Variants in ANO4 observed in about 807,000 individuals in gnomAD.
ANO4 encodes anoctamin 4.
Under a neutral mutation model 141.9 loss-of-function variants are expected in ANO4, and 69 were observed. That is an observed-to-expected ratio of 0.49 (90% CI 0.40 to 0.59). ANO4 has a LOEUF of 0.59. Among genes scored for constraint, ANO4 ranks in the 20% least tolerant of loss-of-function variants. ANO4 has a pLI of 0.00. For synonymous variants in ANO4, 350 were observed against 394.3 expected (o/e 0.89, Z 1.33); for missense variants, 894 against 1,162.2 (o/e 0.77, Z 3.36).
rs1196752418 is a variant in ANO4 at position 101,120,561 on chromosome 12, A to G, written c.2612A>G (p.Tyr871Cys). 1.2e-6 allele frequency: 2 copies of G among 1,613,966 alleles called. No individual in the cohort carries two copies. Among genetic ancestry groups the G allele is most frequent in the African/African-American group, 1.3e-5 (1 of 74,908 alleles). The change falls in exon 26 of 28, where the codon TAT becomes TGT. Residue 871 changes from tyrosine to cysteine, a missense_variant. By Grantham distance (194) the Tyr-to-Cys change is radical. Around this residue, in one of 2 missense-constraint regions of ANO4, gnomAD observed 637 missense variants for 909.2 expected, o/e 0.70. Transcript: ENST00000392977. Reference sequence around the variant, plus strand: ...GACCCGCCTCATTCACTGGTGCCCTATGGCTACACACTGCAGTTTTGGCAT... The same window carrying G: ...GACCCGCCTCATTCACTGGTGCCCTGTGGCTACACACTGCAGTTTTGGCAT... Reference protein sequence around the residue: ...YRDPPHSLVPYGYTLQFWHVL... With the variant: ...YRDPPHSLVPCGYTLQFWHVL...
chr12:101,095,302 T>C (rs1370357441), intron 18 of ANO4, among the ~76,000 whole-genome samples: 1 of 152,176 alleles, frequency 6.6e-6, no homozygotes, highest in Non-Finnish European at 1.5e-5. Flanking sequence ...TAGAAGAGGT[T>C]TATGTCCATG....
chr12:100,973,061 G>A (rs1386251637), intron 6 of ANO4, among the ~76,000 whole-genome samples: 1 of 152,198 alleles, frequency 6.6e-6, no homozygotes, highest in Non-Finnish European at 1.5e-5. Context: ...AAATGAACAT[G>A]AACAATTATC....
chr12:100,930,945 G>A (rs1480513169), intron 3 of ANO4, among the ~76,000 whole-genome samples: 1 of 152,294 alleles, frequency 6.6e-6, no homozygotes, highest in East Asian at 1.9e-4. Flanking sequence ...CAAAAGGGCT[G>A]TAGGGTTCCA....
At chr12:100,732,434 GTTGTT>G (rs916226168) in intron 1 of ANO4, among the ~76,000 whole-genome samples, 48 of 151,904 alleles carry the variant, frequency 3.2e-4, no homozygotes, top group African/African-American at 1.1e-3. Context: ...TTTTCTTATT[GTTGTT>G]TTAAGAGTTC....
At chr12:101,116,040 G>A (rs941294304) in intron 24 of ANO4, among the ~76,000 whole-genome samples, 3 of 152,222 alleles carry the variant, frequency 2.0e-5, no homozygotes, top group Non-Finnish European at 4.4e-5. Context: ...GCACTACAGA[G>A]AGAGGGAAAG....
chr12:100,942,588 A>G, intron 5 of ANO4, 53 bp downstream of exon 5: 4 of 1,542,922 alleles, frequency 2.6e-6, no homozygotes, highest in Middle Eastern at 1.8e-4. Context: ...ATTCATATGA[A>G]GAGGCAATAA....
intron 11 of ANO4, among the ~76,000 whole-genome samples, chr12:101,042,021 A>G (rs1284376039): frequency 6.6e-6 from 1 of 152,084 alleles, no homozygotes; most frequent in Non-Finnish European, 1.5e-5. Flanking sequence ...TACCTGGACT[A>G]TGACAGCTGT....
intron 9 of ANO4, among the ~76,000 whole-genome samples, chr12:101,031,387 C>A (rs2046967975): frequency 6.6e-6 from 1 of 152,108 alleles, no homozygotes; most frequent in Non-Finnish European, 1.5e-5. Context: ...ATTCAACAGC[C>A]CTTCATGCTA....
At chr12:100,867,902 A>G (rs1251607564) in intron 1 of ANO4, among the ~76,000 whole-genome samples, 1 of 152,180 alleles carries the variant, frequency 6.6e-6, no homozygotes, top group Non-Finnish European at 1.5e-5. Flanking sequence ...GCAATGAATC[A>G]GTAAACCAAT....
At chr12:101,103,227 A>ATATATATATATATATC (rs2050279242) in intron 22 of ANO4, among the ~76,000 whole-genome samples, 1 of 108,850 alleles carries the variant, frequency 9.2e-6, no homozygotes, top group African/African-American at 4.1e-5. Flanking sequence ...ATATATATAT[A>ATATATATATATATATC]TATCTTTTTG....
intron 5 of ANO4, among the ~76,000 whole-genome samples, chr12:100,952,409 C>T (rs887241533): frequency 1.3e-5 from 2 of 152,150 alleles, no homozygotes; most frequent in Non-Finnish European, 2.9e-5. Flanking sequence ...ATATTGACAG[C>T]TTTAACGCAT....
chr12:100,830,972 C>A (rs530905535), intron 1 of ANO4, among the ~76,000 whole-genome samples: 1 of 152,008 alleles, frequency 6.6e-6, no homozygotes, highest in Non-Finnish European at 1.5e-5. Context: ...AAGCTAGACC[C>A]ATTCCTCAGT....
chr12:100,803,201 G>A (rs1453637309), intron 1 of ANO4, among the ~76,000 whole-genome samples: 1 of 152,142 alleles, frequency 6.6e-6, no homozygotes, highest in African/African-American at 2.4e-5. Context: ...ATGGGAGCTT[G>A]GAGTATAGGG....
At chr12:100,833,851 G>A (rs1013235067) in intron 1 of ANO4, among the ~76,000 whole-genome samples, 10 of 152,090 alleles carry the variant, frequency 6.6e-5, no homozygotes, top group African/African-American at 2.2e-4. Flanking sequence ...GACCCCATGG[G>A]ACTTGCATTC....
intron 14 of ANO4, among the ~76,000 whole-genome samples, chr12:101,072,508 A>G (rs1396199957): frequency 1.3e-5 from 2 of 152,246 alleles, no homozygotes; most frequent in African/African-American, 2.4e-5. Context: ...CCTAGGCAAC[A>G]TCATTCAGGT....
At chr12:100,961,078 G>T (rs2043398425) in intron 5 of ANO4, among the ~76,000 whole-genome samples, 1 of 152,142 alleles carries the variant, frequency 6.6e-6, no homozygotes, top group South Asian at 2.1e-4. Context: ...GGTCATCATT[G>T]CTTTGCTGAA....
chr12:100,752,997 C>A (rs940696927), intron 3 of ANO4, among the ~76,000 whole-genome samples: 1 of 152,098 alleles, frequency 6.6e-6, no homozygotes, highest in African/African-American at 2.4e-5. Flanking sequence ...CTAGGTTGTC[C>A]TCAATGGGAG....
chr12:101,088,239 G>T (rs1238474131), intron 17 of ANO4, among the ~76,000 whole-genome samples: 2 of 151,872 alleles, frequency 1.3e-5, no homozygotes, highest in African/African-American at 4.8e-5. Flanking sequence ...TGTTCTCTCT[G>T]CCTGGAGCCT....
intron 5 of ANO4, among the ~76,000 whole-genome samples, chr12:100,947,905 A>G (rs991235374): frequency 6.6e-6 from 1 of 152,084 alleles, no homozygotes; most frequent in African/African-American, 2.4e-5. Flanking sequence ...TAGGAGAGGC[A>G]GGGCATGGTG....
Sources: allele counts gnomAD v4.1 joint callset (sites outside exome capture counted in the v4.1 genomes callset), GRCh38; gene constraint gnomAD v4.1.1; regional missense constraint gnomAD v4.1.1; transcripts MANE v1.5; gene names NCBI Gene and HGNC (gene_info 2026-07-23, HGNC 2026-07-21).